SLC28A3: variants seen among roughly 807,000 people sequenced by gnomAD.
The protein encoded by SLC28A3 is solute carrier family 28 member 3, also known as concentrative Na(+)-nucleoside cotransporter 3.
SLC28A3 carries 68 observed loss-of-function variants against 84.2 expected under a neutral mutation model. That is an observed-to-expected ratio of 0.81 (90% CI 0.66 to 0.99). The LOEUF (loss-of-function observed/expected upper bound fraction) is 0.99. Ranked by LOEUF, SLC28A3 falls within the 50% of genes least tolerant of loss-of-function variation. The probability of loss-of-function intolerance (pLI) is 0.00; values close to 1 mark genes in which losing one functional copy is unlikely to be tolerated. For missense variants in SLC28A3, 712 were observed against 841.5 expected (o/e 0.85, Z 1.90); for synonymous variants, 267 against 303.6 (o/e 0.88, Z 1.25).
intron 14 of SLC28A3, among the ~76,000 whole-genome samples, chr9:84,283,769 C>T (rs1824864205): frequency 6.6e-6 from 1 of 152,210 alleles, no homozygotes; most frequent in Admixed American, 6.5e-5. Context: ...CAGTGGATAT[C>T]ACTGGGGTTT....
chr9:84,302,446 A>G, intron 4 of SLC28A3, 57 bp from the exon 5 acceptor site: 1 of 1,560,676 alleles, frequency 6.4e-7, no homozygotes, highest in Non-Finnish European at 8.7e-7. Flanking sequence ...ACACGCCTCC[A>G]GGCTCCAGCC....
intron 2 of SLC28A3, among the ~76,000 whole-genome samples, chr9:84,311,480 A>C (rs189839916): frequency 6.6e-6 from 1 of 151,762 alleles, no homozygotes; most frequent in Admixed American, 6.6e-5. Context: ...GGTCTTGTAC[A>C]TTCTATGGGT....
At chr9:84,299,808 T>TGA in intron 5 of SLC28A3, 83 bp from the exon 6 acceptor site, 5 of 1,384,078 alleles carry the variant, frequency 3.6e-6, no homozygotes, top group Non-Finnish European at 3.9e-6. Context: ...TTTTTTTTTT[T>TGA]GAGAGATGGA....
In SLC28A3 at chr9:84,313,417, C is replaced by T. The variant is rs745873744; in HGVS notation, c.98G>A (p.Gly33Glu). Residue 33 changes from glycine to glutamate, a missense_variant, in exon 2 of 18, where the codon GGA becomes GAA. Physicochemically the swap from Gly to Glu is moderately conservative, Grantham distance 98. Transcript: ENST00000376238. Reference protein sequence around the residue: ...ENFLENENTSGNNSIRSRAVQ... With the variant: ...ENFLENENTSENNSIRSRAVQ... ...AGCTCTGCTTCTTATTGAGTTGTTTCCTGATGTGTTCTCGTTCTCAAGAAA... is the reference window on the plus strand; with the variant it reads ...AGCTCTGCTTCTTATTGAGTTGTTTTCTGATGTGTTCTCGTTCTCAAGAAA... The T allele has an allele frequency of 2.5e-6, 4 of 1,614,026 alleles. No individual in the cohort carries two copies. Among genetic ancestry groups the T allele is most frequent in the Non-Finnish European group, 3.4e-6 (4 of 1,179,978 alleles).
At chr9:84,332,115 G>A (rs1826812664) in intron 1 of SLC28A3, among the ~76,000 whole-genome samples, 1 of 152,154 alleles carries the variant, frequency 6.6e-6, no homozygotes, top group Admixed American at 6.6e-5. Context: ...GATCCTCAAT[G>A]TGAATGAAAG....
chr9:84,288,095 T>C lies in SLC28A3; in HGVS notation c.1233A>G (p.Thr411=). ...LAAAKLFWPE[T]EKPKITLKNA... The stretch of plus-strand genomic sequence containing the variant: ...TCTTGAGGGTTATTTTAGGTTTTTC[T>C]GTCTCAGGCCAAAAGAGTTTAGCAG... The change falls in exon 12 of 18, where the codon ACA becomes ACG. Residue 411 remains threonine (T), a synonymous_variant. Coordinates refer to ENST00000376238, the MANE Select transcript of SLC28A3 (RefSeq NM_001199633.2). 1 of 1,614,152 alleles carries C rather than the reference T, an allele frequency of 6.2e-7. No homozygotes were observed. Among genetic ancestry groups the C allele is most frequent in the South Asian group, 1.1e-5 (1 of 91,082 alleles).
chr9:84,290,761 C>A (rs1825181989), intron 10 of SLC28A3, among the ~76,000 whole-genome samples: 1 of 152,194 alleles, frequency 6.6e-6, no homozygotes, highest in South Asian at 2.1e-4. Context: ...CTGTGGCTTC[C>A]TGTCTTCCAA....
the SLC28A3 span, among the ~76,000 whole-genome samples, chr9:84,365,150 A>C: frequency 3.3e-5 from 5 of 152,228 alleles, no homozygotes; most frequent in Admixed American, 6.5e-5. Context: ...AGTGTACAAG[A>C]GTTCCCTTTT....
At chr9:84,367,541 A>G in the SLC28A3 span, among the ~76,000 whole-genome samples, 3 of 152,274 alleles carry the variant, frequency 2.0e-5, no homozygotes, top group East Asian at 5.8e-4. Context: ...AGCATAGAGA[A>G]AGAACAGTGG....
At chr9:84,340,458 T>A in intron 1 of SLC28A3, 116 bp downstream of exon 1, 1 of 1,132,066 alleles carries the variant, frequency 8.8e-7, no homozygotes, top group Non-Finnish European at 1.3e-6. Context: ...AGTGTGCCGT[T>A]AAAAATCGTA....
At chr9:84,299,877 C>T (rs546789685) in intron 5 of SLC28A3, 152 bp from the exon 6 acceptor site, 2 of 817,218 alleles carry the variant, frequency 2.4e-6, no homozygotes, top group East Asian at 6.2e-5. Flanking sequence ...ACTGCAACCT[C>T]CACTTCCCGG....
chr9:84,318,299 C>A (rs1032124784), intron 1 of SLC28A3, among the ~76,000 whole-genome samples: 2 of 152,094 alleles, frequency 1.3e-5, no homozygotes, highest in African/African-American at 4.8e-5. Flanking sequence ...CTCACTGTTA[C>A]CTTTCAATGC....
the SLC28A3 span, among the ~76,000 whole-genome samples, chr9:84,351,558 C>T: frequency 2.0e-5 from 3 of 151,904 alleles, no homozygotes; most frequent in East Asian, 3.9e-4. Context: ...ACTCAGGAGG[C>T]TGAAGTGAGA....
chr9:84,282,187 A>G (rs1824781108), intron 14 of SLC28A3, among the ~76,000 whole-genome samples: 1 of 152,094 alleles, frequency 6.6e-6, no homozygotes, highest in African/African-American at 2.4e-5. Context: ...ATGCAAACAT[A>G]ATTTACAGTG....
At chr9:84,325,911 C>A (rs1198756077) in intron 1 of SLC28A3, among the ~76,000 whole-genome samples, 1 of 152,024 alleles carries the variant, frequency 6.6e-6, no homozygotes, top group African/African-American at 2.4e-5. Flanking sequence ...TTTAAATGTC[C>A]TTTTAAAGGA....
chr9:84,334,182 C>A (rs1423070464), intron 1 of SLC28A3, among the ~76,000 whole-genome samples: 2 of 152,146 alleles, frequency 1.3e-5, no homozygotes, highest in Non-Finnish European at 2.9e-5. Flanking sequence ...GCCTGTATTC[C>A]CAGCTACTCA....
At chr9:84,348,942 C>G in the SLC28A3 span, among the ~76,000 whole-genome samples, 1 of 149,014 alleles carries the variant, frequency 6.7e-6, no homozygotes, top group Non-Finnish European at 1.5e-5. Context: ...GAGTTTCACT[C>G]TTTTGCCCAG....
intron 3 of SLC28A3, among the ~76,000 whole-genome samples, chr9:84,308,963 C>T (rs539397447): frequency 2.6e-5 from 4 of 152,252 alleles, no homozygotes; most frequent in African/African-American, 7.2e-5. Flanking sequence ...GGGTTTTGAG[C>T]GATCAATTGC....
At chr9:84,318,490 G>A (rs7035188) in intron 1 of SLC28A3, among the ~76,000 whole-genome samples, 32,606 of 152,036 alleles carry the variant, frequency 0.21, 5,809 homozygotes, top group African/African-American at 0.48. Flanking sequence ...GGAAAGAGAG[G>A]GAGTGCTGTA....
Sources: allele counts gnomAD v4.1 joint callset (sites outside exome capture counted in the v4.1 genomes callset), GRCh38; gene constraint gnomAD v4.1.1; transcripts MANE v1.5; gene names NCBI Gene and HGNC (gene_info 2026-07-23, HGNC 2026-07-21).